Variants in ALK observed in about 807,000 individuals in gnomAD.
ALK encodes ALK tyrosine kinase receptor.
Under a neutral mutation model 163.1 loss-of-function variants are expected in ALK, and 74 were observed. The observed-to-expected ratio is 0.45, with a 90% CI of 0.38 to 0.55. ALK has a LOEUF of 0.55. ALK is among the 20% of genes least tolerant of loss of function. The pLI, the probability that ALK is intolerant of heterozygous loss-of-function variation, is 0.00. For synonymous variants in ALK, 960 were observed against 843.2 expected (o/e 1.14, Z -2.40); for missense variants, 2,063 against 2,105.3 (o/e 0.98, Z 0.39).
chr2:29,554,989 G>A (rs190079257), intron 3 of ALK, among the ~76,000 whole-genome samples: 2 of 152,300 alleles, frequency 1.3e-5, no homozygotes, highest in East Asian at 1.9e-4. Flanking sequence ...AAAAGGGGAA[G>A]CATGAATAAT....
At chr2:29,849,235 A>AT (rs1434378463) in intron 1 of ALK, among the ~76,000 whole-genome samples, 1 of 152,130 alleles carries the variant, frequency 6.6e-6, no homozygotes. Context: ...CTGTTTAGCT[A>AT]TGCTCACTTG....
chr2:29,701,750 T>C (rs1054378965), intron 2 of ALK, among the ~76,000 whole-genome samples: 1 of 152,158 alleles, frequency 6.6e-6, no homozygotes, highest in Non-Finnish European at 1.5e-5. Flanking sequence ...CCAGGCACCT[T>C]ACATGATCAT....
chr2:29,432,500 T>C (rs891821703), intron 4 of ALK, among the ~76,000 whole-genome samples: 4 of 152,168 alleles, frequency 2.6e-5, no homozygotes, highest in Admixed American at 2.0e-4. Flanking sequence ...TCTTTATAAA[T>C]TACCGTCTTA....
intron 3 of ALK, among the ~76,000 whole-genome samples, chr2:29,656,178 CATTA>C: frequency 6.6e-6 from 1 of 152,172 alleles, no homozygotes; most frequent in South Asian, 2.1e-4. Context: ...TAAATTTTTA[CATTA>C]AATACTTCAT....
At chr2:29,734,892 G>A (rs1679849559) in intron 1 of ALK, among the ~76,000 whole-genome samples, 1 of 151,978 alleles carries the variant, frequency 6.6e-6, no homozygotes, top group African/African-American at 2.4e-5. Context: ...GCACTGCTGA[G>A]GGCAATGAGA....
intron 3 of ALK, among the ~76,000 whole-genome samples, chr2:29,586,577 A>G (rs1166838409): frequency 2.0e-5 from 3 of 152,172 alleles, no homozygotes; most frequent in Admixed American, 6.6e-5. Flanking sequence ...ATATATTAAT[A>G]TTGGTTATCT....
chr2:29,668,090 G>C (rs1677572158), intron 3 of ALK, among the ~76,000 whole-genome samples: 1 of 151,960 alleles, frequency 6.6e-6, no homozygotes, highest in Non-Finnish European at 1.5e-5. Flanking sequence ...GTTCATAATA[G>C]TCTCTAATAA....
intron 3 of ALK, among the ~76,000 whole-genome samples, chr2:29,576,255 G>A (rs1301815231): frequency 1.3e-5 from 2 of 152,184 alleles, no homozygotes; most frequent in Non-Finnish European, 2.9e-5. Context: ...TGGCTTACAA[G>A]TGTGCTTGTC....
intron 3 of ALK, among the ~76,000 whole-genome samples, chr2:29,612,709 A>G (rs1281048321): frequency 2.0e-5 from 3 of 152,108 alleles, no homozygotes; most frequent in Non-Finnish European, 4.4e-5. Context: ...AGTTTAGCTC[A>G]TGAAGGGGGT....
intron 1 of ALK, among the ~76,000 whole-genome samples, chr2:29,825,025 A>G (rs377371453): frequency 1.3e-5 from 2 of 152,182 alleles, no homozygotes; most frequent in East Asian, 1.9e-4. Context: ...TGCTGTTCTC[A>G]TGATAGTGAG....
At chr2:29,822,623 C>T (rs1665080670) in intron 1 of ALK, among the ~76,000 whole-genome samples, 1 of 152,224 alleles carries the variant, frequency 6.6e-6, no homozygotes, top group African/African-American at 2.4e-5. Flanking sequence ...CTCTGAGCCT[C>T]AGTGAGGTTC....
At chr2:29,762,814 C>T (rs569167359) in intron 1 of ALK, among the ~76,000 whole-genome samples, 23 of 152,218 alleles carry the variant, frequency 1.5e-4, no homozygotes, top group East Asian at 5.8e-4. Flanking sequence ...ATTGGCTGGG[C>T]GCAGTGGCTC....
intron 4 of ALK, among the ~76,000 whole-genome samples, chr2:29,422,249 C>T (rs1670032878): frequency 6.7e-6 from 1 of 148,882 alleles, no homozygotes; most frequent in Non-Finnish European, 1.5e-5. Flanking sequence ...TAACAGTTCC[C>T]AGCAAAATCA....
chr2:29,496,297 T>C (rs971881967), intron 4 of ALK, among the ~76,000 whole-genome samples: 3 of 152,342 alleles, frequency 2.0e-5, no homozygotes, highest in Middle Eastern at 3.4e-3. Flanking sequence ...CTTATAAAAA[T>C]GTACTGCCTT....
intron 4 of ALK, among the ~76,000 whole-genome samples, chr2:29,481,294 GCCAATAT>G (rs1671654530): frequency 6.6e-6 from 1 of 152,126 alleles, no homozygotes; most frequent in African/African-American, 2.4e-5. Flanking sequence ...TCATTAAATT[GCCAATAT>G]ATTTGGCTTT....
chr2:29,462,806 A>C lies in ALK; in HGVS notation c.1154+69109T>G, dbSNP rs536551267. 5.3e-5 allele frequency among the ~76,000 whole-genome samples: 8 copies of C among 152,264 alleles called. No homozygotes were observed. In the South Asian group the frequency reaches 1.4e-3, roughly 28 times the overall value. On this transcript the variant is annotated intron_variant, in intron 4 of 28. Coordinates refer to ENST00000389048, the MANE Select transcript of ALK (RefSeq NM_004304.5). ...TTTTTGCTACAATGTGTCCTTGAAA[A>C]CAGTGTTATAAAGCAAATCATTATA...
At chr2:29,898,600 A>G (rs1392735233) in intron 1 of ALK, among the ~76,000 whole-genome samples, 1 of 152,212 alleles carries the variant, frequency 6.6e-6, no homozygotes, top group Non-Finnish European at 1.5e-5. Context: ...ATCAATAATG[A>G]GTGCTCATTT....
At chr2:29,812,161 C>G (rs1664775934) in intron 1 of ALK, among the ~76,000 whole-genome samples, 1 of 152,172 alleles carries the variant, frequency 6.6e-6, no homozygotes, top group Non-Finnish European at 1.5e-5. Context: ...ATATCTCCTT[C>G]ACAGATCTCA....
intron 4 of ALK, among the ~76,000 whole-genome samples, chr2:29,508,057 C>A (rs1272061689): frequency 1.3e-5 from 2 of 152,138 alleles, no homozygotes; most frequent in Non-Finnish European, 2.9e-5. Flanking sequence ...TTTGGCCCCA[C>A]CAAACTGAGG....
Sources: gnomAD v4.1 joint callset for allele counts (sites outside exome capture counted in the v4.1 genomes callset) on GRCh38, gnomAD v4.1.1 for gene constraint, MANE v1.5 for transcripts, NCBI Gene and HGNC (gene_info 2026-07-23, HGNC 2026-07-21) for gene names.